Variants in PIK3C2A observed in about 807,000 individuals in gnomAD.
PIK3C2A encodes the protein phosphatidylinositol 4-phosphate 3-kinase C2 domain-containing subunit alpha.
Under a neutral mutation model 204.5 loss-of-function variants are expected in PIK3C2A, and 97 were observed. The ratio of observed to expected loss-of-function variants is 0.47; its 90% confidence interval spans 0.40 to 0.56. PIK3C2A has a LOEUF of 0.56. Ranked by LOEUF, PIK3C2A falls within the 20% of genes least tolerant of loss-of-function variation. The pLI is 0.00. For synonymous variants in PIK3C2A, 653 were observed against 664.4 expected (o/e 0.98, Z 0.26); for missense variants, 1,735 against 1,969.2 (o/e 0.88, Z 2.25).
At chr11:17,195,621 TCGTCCCAGCTACTTAGGAGA>T (rs1177875758) in intron 1 of PIK3C2A, among the ~76,000 whole-genome samples, 1 of 151,874 alleles carries the variant, frequency 6.6e-6, no homozygotes, top group East Asian at 1.9e-4. Context: ...GTTGCTGTCG[TCGTCCCAGCTACTTAGGAGA>T]CTGAGGCAGG....
At chr11:17,202,077 GAA>G (rs1393267852) in intron 1 of PIK3C2A, among the ~76,000 whole-genome samples, 1 of 151,562 alleles carries the variant, frequency 6.6e-6, no homozygotes, top group Admixed American at 6.6e-5. Context: ...CCAAAATGGT[GAA>G]ACCCCATCTC....
Position 17,168,808 on chromosome 11 carries a change from T to C in PIK3C2A, c.934A>G (p.Arg312Gly), listed in dbSNP as rs998826867. ...DPWDAVLLEE[R>G]STANCHLERK... Reference sequence around the variant, plus strand: ...TCAAGATGACAATTTGCTGTCGATCTCTCTTCAAGAAGAACAGCATCCCAA... The same window carrying C: ...TCAAGATGACAATTTGCTGTCGATCCCTCTTCAAGAAGAACAGCATCCCAA... The change falls in exon 2 of 33, where the codon AGA (arginine) becomes GGA (glycine). Residue 312 changes from arginine to glycine, a missense_variant. Physicochemically the swap from Arg to Gly is moderately radical, Grantham distance 125. This residue lies in a region of PIK3C2A where 536 missense variants were observed against 546.7 expected (regional missense o/e 0.98). Coordinates refer to ENST00000691414, the MANE Select transcript of PIK3C2A (RefSeq NM_002645.4). The C allele has an allele frequency of 1.2e-6, 2 of 1,614,056 alleles. No homozygotes were observed. Among genetic ancestry groups the C allele is most frequent in the Non-Finnish European group, 8.5e-7 (1 of 1,179,976 alleles).
At chr11:17,198,816 CA>C (rs57876134) in intron 1 of PIK3C2A, among the ~76,000 whole-genome samples, 24 of 148,170 alleles carry the variant, frequency 1.6e-4, no homozygotes, top group Non-Finnish European at 1.8e-4. Context: ...CAAAACAAAA[CA>C]AAAAAAAAAA....
At chr11:17,133,946 A>G (rs1001421139) in intron 11 of PIK3C2A, among the ~76,000 whole-genome samples, 1 of 151,982 alleles carries the variant, frequency 6.6e-6, no homozygotes, top group African/African-American at 2.4e-5. Flanking sequence ...AAATAATAAT[A>G]ATGAACGAAC....
chr11:17,150,557 C>T lies in PIK3C2A; in HGVS notation c.1268G>A (p.Ser423Asn), dbSNP rs1398995945. Residue 423 changes from serine to asparagine, a missense_variant, in exon 4 of 33, where the codon AGT becomes AAT. Around this residue, in one of 6 missense-constraint regions of PIK3C2A, gnomAD observed 536 missense variants for 546.7 expected, o/e 0.98. Transcript: ENST00000691414. ...TTCAATGTCAATGGAGACCTTCACA[C>T]TAGCATTTTCTCCGCATATGTTTCT... ...AQRNICGENA[S>N]VKVSIDIEGF... The T allele has an allele frequency of 6.2e-7, 1 of 1,611,636 alleles. No homozygotes were observed.
rs192377879 is a variant in PIK3C2A, at chr11:17,169,273, T to C, written c.469A>G (p.Ile157Val). Residue 157 changes from isoleucine to valine, a missense_variant, in exon 2 of 33, where the codon ATT becomes GTT. Physicochemically the swap from Ile to Val is conservative, Grantham distance 29. Transcript: ENST00000691414. Reference sequence around the variant, plus strand: ...TGTTTACTGTAAGTAGAAGGATAAATAGAAGGTAAAGCATAAGTGGAAGGC... The same window carrying C: ...TGTTTACTGTAAGTAGAAGGATAAACAGAAGGTAAAGCATAAGTGGAAGGC... Reference protein sequence around the residue: ...PGPSTYALPSIYPSTYSKQAA... With the variant: ...PGPSTYALPSVYPSTYSKQAA... The C allele has an allele frequency of 2.2e-5, 35 of 1,614,102 alleles. No homozygotes were observed. In the Admixed American group the frequency reaches 4.0e-4, roughly 18 times the overall value.
intron 25 of PIK3C2A, 43 bp downstream of exon 25, chr11:17,101,235 G>T: frequency 2.8e-6 from 3 of 1,057,236 alleles, no homozygotes; most frequent in Non-Finnish European, 2.7e-6. Flanking sequence ...AAACATAGAT[G>T]CATTAATATA....
intron 1 of PIK3C2A, among the ~76,000 whole-genome samples, chr11:17,175,441 G>A (rs1416913833): frequency 6.6e-6 from 1 of 152,192 alleles, no homozygotes; most frequent in East Asian, 1.9e-4. Flanking sequence ...TGTTTTTCTG[G>A]GGCTGCTGCA....
chr11:17,099,898 G>A lies in PIK3C2A; in HGVS notation c.4080C>T (p.Pro1360=), dbSNP rs1375727360. The A allele has an allele frequency of 6.3e-7, 1 of 1,585,762 alleles. No individual in the cohort carries two copies. Among genetic ancestry groups the A allele is most frequent in the Non-Finnish European group, 8.7e-7 (1 of 1,154,652 alleles). Residue 1360 remains proline (P), a synonymous_variant, in exon 26 of 33, where the codon CCC becomes CCT. Transcript: ENST00000691414. ...DLKYVRDALQ[P]QTTDAEATIF... ...TTGTAGCTTCTGCGTCTGTAGTTTGGGGTTGAAGTGCATCTCTAACGTATT... is the reference window on the plus strand; with the variant it reads ...TTGTAGCTTCTGCGTCTGTAGTTTGAGGTTGAAGTGCATCTCTAACGTATT...
At chr11:17,147,444 G>T in intron 6 of PIK3C2A, 73 bp downstream of exon 6, 1 of 803,228 alleles carries the variant, frequency 1.2e-6, no homozygotes, top group Non-Finnish European at 2.1e-6. Flanking sequence ...AAATGTACAA[G>T]TTGAAAATTG....
At chr11:17,126,858 T>C (rs993965564) in intron 13 of PIK3C2A, among the ~76,000 whole-genome samples, 3 of 152,198 alleles carry the variant, frequency 2.0e-5, no homozygotes, top group African/African-American at 7.2e-5. Flanking sequence ...ATTATATCAT[T>C]TATCTAACAA....
chr11:17,121,187 A>G (rs543005196), intron 15 of PIK3C2A, among the ~76,000 whole-genome samples: 162 of 152,252 alleles, frequency 1.1e-3, no homozygotes, highest in African/African-American at 3.7e-3. Context: ...ATGAGATCAT[A>G]GATCACTGCA....
At chr11:17,124,297 C>T (rs546718995) in intron 13 of PIK3C2A, among the ~76,000 whole-genome samples, 4 of 152,054 alleles carry the variant, frequency 2.6e-5, no homozygotes, top group Non-Finnish European at 5.9e-5. Flanking sequence ...AGTACAATAC[C>T]ATTATCCCTC....
chr11:17,181,926 T>C (rs1565297625), intron 1 of PIK3C2A, among the ~76,000 whole-genome samples: 2 of 151,472 alleles, frequency 1.3e-5, no homozygotes, highest in Non-Finnish European at 2.9e-5. Flanking sequence ...ACCCCATCTC[T>C]ACTAAAAATA....
rs373196018 is a variant in PIK3C2A, at chr11:17,188,351, AAAAAG to A, written c.-65-18550_-65-18546del. On this transcript the variant is annotated intron_variant, in intron 1 of 32. Transcript: ENST00000691414. ...GTGAGACCCTGTCTCAAAAAAAAAG[AAAAAG>A]AAATGTCACAGAACAGAGAACACAC... 5.6e-3 allele frequency among the ~76,000 whole-genome samples: 825 copies of A among 146,382 alleles called. 148 individuals are homozygous for A. The highest frequency in any genetic ancestry group is 0.022 in the African/African-American group (788 of 36,126).
chr11:17,113,781 CAAAA>C (rs1283891348), intron 20 of PIK3C2A, among the ~76,000 whole-genome samples: 5 of 76,946 alleles, frequency 6.5e-5, no homozygotes, highest in Non-Finnish European at 2.4e-5. Flanking sequence ...GACTCCATCT[CAAAA>C]AAAAAAAAAA....
In PIK3C2A at chr11:17,168,573, T is replaced by G. The variant is rs999704346; in HGVS notation, c.1065+104A>C. 34 of 830,836 alleles carry G rather than the reference T, an allele frequency of 4.1e-5. No individual in the cohort carries two copies. The African/African-American group carries it at 5.2e-4, about 13-fold the overall frequency. 51.5% of individuals were successfully genotyped at this position (830,836 alleles called of 1,614,324 possible). ...TCCAGCCTGGGCGACAGAGCGAGAC[T>G]CCTTCTTAAAAACAAAAACAAAAAC... On this transcript the variant is annotated intron_variant, in intron 2 of 32. Transcript: ENST00000691414.
At chr11:17,121,700 T>C (rs1025347135) in intron 15 of PIK3C2A, among the ~76,000 whole-genome samples, 6 of 152,224 alleles carry the variant, frequency 3.9e-5, no homozygotes, top group African/African-American at 1.2e-4. Context: ...AATTAATTTA[T>C]ATTTCCCTGA....
chr11:17,110,993 C>T (rs181970163), intron 21 of PIK3C2A, among the ~76,000 whole-genome samples: 1 of 152,134 alleles, frequency 6.6e-6, no homozygotes, highest in African/African-American at 2.4e-5. Context: ...CTGCAATCTC[C>T]GCCTCCTAGG....
Sources: allele counts gnomAD v4.1 joint callset (sites outside exome capture counted in the v4.1 genomes callset), GRCh38; gene constraint gnomAD v4.1.1; regional missense constraint gnomAD v4.1.1; transcripts MANE v1.5; gene names NCBI Gene and HGNC (gene_info 2026-07-23, HGNC 2026-07-21).